The following GPC5 variants were observed in gnomAD, a reference collection of about 807,000 sequenced individuals.
GPC5 encodes glypican-5.
A neutral mutation model predicts 53.9 loss-of-function variants in GPC5; 47 were observed. The observed-to-expected ratio is 0.87, with a 90% CI of 0.69 to 1.11. The LOEUF is 1.11. Among genes scored for constraint, GPC5 ranks in the 50% most tolerant of loss-of-function variants. GPC5 has a pLI of 0.00. For synonymous variants in GPC5, 286 were observed against 263.3 expected (o/e 1.09, Z -0.84); for missense variants, 748 against 713.1 (o/e 1.05, Z -0.56).
chr13:91,920,945 T>C (rs2139016842), intron 6 of GPC5, among the ~76,000 whole-genome samples: 2 of 138,974 alleles, frequency 1.4e-5, no homozygotes, highest in Middle Eastern at 7.1e-3. Context: ...TTTTTTTTTT[T>C]TTTTTTTTTT....
At chr13:91,665,664 C>T (rs138253907) in intron 2 of GPC5, among the ~76,000 whole-genome samples, 2,312 of 152,106 alleles carry the variant, frequency 0.015, 27 homozygotes, top group Non-Finnish European at 0.024. Flanking sequence ...CACCACACCC[C>T]GCTAATTTTT....
chr13:91,400,474 G>A (rs912703049), intron 1 of GPC5, among the ~76,000 whole-genome samples: 1 of 152,114 alleles, frequency 6.6e-6, no homozygotes, highest in Non-Finnish European at 1.5e-5. Context: ...AGTTTAGGGC[G>A]ATTCTTCTAT....
intron 6 of GPC5, among the ~76,000 whole-genome samples, chr13:92,047,136 A>T (rs1423798069): frequency 1.3e-5 from 2 of 152,054 alleles, no homozygotes; most frequent in African/African-American, 4.8e-5. Context: ...CTGTTTAGGG[A>T]CCCTGGTTTG....
chr13:92,836,152 GT>G (rs1290879089), intron 7 of GPC5, among the ~76,000 whole-genome samples: 2 of 151,792 alleles, frequency 1.3e-5, no homozygotes, highest in Non-Finnish European at 2.9e-5. Context: ...CCATACAAAA[GT>G]TTTTAGTGTT....
rs142838446 is a variant in GPC5 at position 91,548,774 on chromosome 13, G to C, written c.325+99852G>C. On this transcript the variant is annotated intron_variant, in intron 2 of 7. Transcript: ENST00000377067. ...GACAAATGGATCAATGGAATAGAAT[G>C]GGGACCCCAGAAATAGACCCACATA... is the stretch of plus-strand genomic sequence containing the variant. Among the ~76,000 whole-genome samples the C allele has an allele frequency of 1.9e-3, 285 of 152,262 alleles. 1 individual carries two copies. The highest frequency in any genetic ancestry group is 6.6e-3 in the African/African-American group (276 of 41,550).
intron 7 of GPC5, among the ~76,000 whole-genome samples, chr13:92,771,670 T>G (rs2138749961): frequency 6.6e-6 from 1 of 152,206 alleles, no homozygotes; most frequent in Admixed American, 6.5e-5. Flanking sequence ...AGGAGTTAAT[T>G]ATCACAAAGA....
intron 7 of GPC5, among the ~76,000 whole-genome samples, chr13:92,646,111 A>G (rs1374378305): frequency 1.3e-5 from 2 of 152,094 alleles, no homozygotes; most frequent in Non-Finnish European, 2.9e-5. Context: ...AACCATGTTC[A>G]TAAAGATTTT....
chr13:92,540,157 T>A (rs958607083), intron 7 of GPC5, among the ~76,000 whole-genome samples: 1 of 151,952 alleles, frequency 6.6e-6, no homozygotes, highest in African/African-American at 2.4e-5. Context: ...AACCAAAAAA[T>A]CTCCAGCGTT....
At chr13:92,086,271 C>T (rs2041335399) in intron 6 of GPC5, among the ~76,000 whole-genome samples, 1 of 152,176 alleles carries the variant, frequency 6.6e-6, no homozygotes, top group Admixed American at 6.5e-5. Context: ...CAGGAGGACA[C>T]ATCTTCATTT....
At chr13:91,487,415 G>T (rs1379820500) in intron 2 of GPC5, among the ~76,000 whole-genome samples, 1 of 152,170 alleles carries the variant, frequency 6.6e-6, no homozygotes, top group Non-Finnish European at 1.5e-5. Flanking sequence ...ATCTGTCCAG[G>T]TGTGGTTACA....
In GPC5 at chr13:91,693,399, A is replaced by G; in HGVS notation, c.538A>G (p.Asn180Asp). 1.9e-6 allele frequency: 3 copies of G among 1,614,098 alleles called. No homozygotes were observed. Among genetic ancestry groups the G allele is most frequent in the African/African-American group, 2.7e-5 (2 of 75,026 alleles). ...LFPLVYNHLI[N>D]PGVTDSSLEY... Reference sequence around the variant, plus strand: ...TCCTCTGGTCTACAACCACCTCATTAACCCTGGTGTGACTGACAGTTCCCT... The same window carrying G: ...TCCTCTGGTCTACAACCACCTCATTGACCCTGGTGTGACTGACAGTTCCCT... Residue 180 changes from asparagine (N) to aspartate (D), a missense_variant, in exon 3 of 8, where the codon AAC becomes GAC. Physicochemically the swap from Asn to Asp is conservative, Grantham distance 23. Transcript: ENST00000377067.
intron 7 of GPC5, among the ~76,000 whole-genome samples, chr13:92,575,912 A>C (rs1296156194): frequency 6.6e-6 from 1 of 152,320 alleles, no homozygotes; most frequent in South Asian, 2.1e-4. Flanking sequence ...CCTGGCACAT[A>C]GAGTATGCAT....
At chr13:92,531,233 C>A (rs2138987479) in intron 7 of GPC5, among the ~76,000 whole-genome samples, 1 of 151,992 alleles carries the variant, frequency 6.6e-6, no homozygotes, top group South Asian at 2.1e-4. Flanking sequence ...GCAATCATAC[C>A]CATGTAATAA....
At chr13:91,854,294 T>A (rs1203244067) in intron 5 of GPC5, among the ~76,000 whole-genome samples, 1 of 151,816 alleles carries the variant, frequency 6.6e-6, no homozygotes, top group Admixed American at 6.6e-5. Context: ...ATTTATGGGG[T>A]ATAGGAGATA....
intron 5 of GPC5, among the ~76,000 whole-genome samples, chr13:91,808,301 G>A (rs1433577508): frequency 6.6e-6 from 1 of 152,112 alleles, no homozygotes; most frequent in Non-Finnish European, 1.5e-5. Context: ...AAAGACAGTA[G>A]AGAGTACCAA....
chr13:92,662,880 T>C (rs1886397500), intron 7 of GPC5, among the ~76,000 whole-genome samples: 1 of 152,184 alleles, frequency 6.6e-6, no homozygotes, highest in Non-Finnish European at 1.5e-5. Flanking sequence ...CTTGCCCTGC[T>C]CCACTAATTG....
At chr13:92,844,680 T>C (rs1594545184) in intron 7 of GPC5, among the ~76,000 whole-genome samples, 1 of 152,210 alleles carries the variant, frequency 6.6e-6, no homozygotes, top group East Asian at 1.9e-4. Flanking sequence ...ATTTTTGATT[T>C]CCTAAATATA....
At chr13:92,766,544 G>A (rs1875412920) in intron 7 of GPC5, among the ~76,000 whole-genome samples, 1 of 152,074 alleles carries the variant, frequency 6.6e-6, no homozygotes, top group Non-Finnish European at 1.5e-5. Context: ...GAGATTAGCT[G>A]AAATAAAACA....
chr13:91,451,776 C>A (rs995313593), intron 2 of GPC5, among the ~76,000 whole-genome samples: 1 of 151,806 alleles, frequency 6.6e-6, no homozygotes, highest in Non-Finnish European at 1.5e-5. Context: ...TGCCACCATG[C>A]CCAGCTAATT....
Sources: gnomAD v4.1 joint callset for allele counts (sites outside exome capture counted in the v4.1 genomes callset) on GRCh38, gnomAD v4.1.1 for gene constraint, MANE v1.5 for transcripts, NCBI Gene and HGNC (gene_info 2026-07-23, HGNC 2026-07-21) for gene names.